The following YIPF1 variants were observed in gnomAD, a reference collection of about 807,000 sequenced individuals.
YIPF1 encodes the protein protein YIPF1.
Under a neutral mutation model 37.0 loss-of-function variants are expected in YIPF1, and 22 were observed. That is an observed-to-expected ratio of 0.59 (90% CI 0.42 to 0.85). The LOEUF is 0.85. Among genes scored for constraint, YIPF1 ranks in the 40% least tolerant of loss-of-function variants. The pLI is 0.00. For synonymous variants in YIPF1, 128 were observed against 131.9 expected, an observed-to-expected ratio of 0.97 and a Z score of 0.21; for missense variants, 355 against 373.1, an observed-to-expected ratio of 0.95 and a Z score of 0.40.
At chr1:53,886,010 T>A (rs1452911393) in intron 3 of YIPF1, among the ~76,000 whole-genome samples, 8 of 151,642 alleles carry the variant, frequency 5.3e-5, no homozygotes, top group South Asian at 2.1e-4. Flanking sequence ...AATTAAAAAA[T>A]TTTTAAAAAG....
Position 53,888,929 on chromosome 1 carries a change from T to C in YIPF1, c.9A>G (p.Ala3=). 1 of 1,596,570 alleles carries C rather than the reference T, an allele frequency of 6.3e-7. No individual in the cohort carries two copies. Among genetic ancestry groups the C allele is most frequent in the Non-Finnish European group, 8.6e-7 (1 of 1,165,566 alleles). Residue 3 remains alanine, a synonymous_variant, in exon 3 of 11, where the codon GCA becomes GCG. Transcript: ENST00000072644. MA[A]VDDLQFEEFG... is the part of the protein sequence containing the mutation. Reference sequence around the variant, plus strand: ...TACCTTCAAATTGCAAGTCATCTACTGCTGCCATTCGGCCAGTGAGTCTTC... The same window carrying C: ...TACCTTCAAATTGCAAGTCATCTACCGCTGCCATTCGGCCAGTGAGTCTTC...
chr1:53,875,153 CAA>C (rs1048710081), intron 6 of YIPF1, among the ~76,000 whole-genome samples: 1 of 152,180 alleles, frequency 6.6e-6, no homozygotes, highest in African/African-American at 2.4e-5. Context: ...ACCTACCATA[CAA>C]AAGTTTCCAC....
chr1:53,886,827 T>C (rs942891531), intron 3 of YIPF1: 1 of 151,232 alleles, frequency 6.6e-6, no homozygotes, highest in African/African-American at 2.4e-5. Context: ...CTGAGGAGGG[T>C]CTCTCTAATG....
chr1:53,889,182 T>C (rs1165641642), intron 2 of YIPF1, 62 bp downstream of exon 2: 2 of 409,200 alleles, frequency 4.9e-6, no homozygotes, highest in Non-Finnish European at 8.9e-6. Flanking sequence ...ACCCCGGGGA[T>C]CCAAAGGTTC....
chr1:53,870,266 G>A (rs975627808), intron 7 of YIPF1, among the ~76,000 whole-genome samples: 2 of 146,626 alleles, frequency 1.4e-5, no homozygotes, highest in African/African-American at 2.5e-5. Context: ...CAATCTCTGG[G>A]CTCAAGTCAT....
At chr1:53,855,135 T>C (rs1447035147) in intron 10 of YIPF1, 1 of 151,158 alleles carries the variant, frequency 6.6e-6, no homozygotes, top group African/African-American at 2.4e-5. Context: ...ACAGGATAAC[T>C]GCATACAAAC....
At chr1:53,874,168 T>C (rs545337521) in intron 6 of YIPF1, among the ~76,000 whole-genome samples, 15 of 152,224 alleles carry the variant, frequency 9.9e-5, no homozygotes, top group African/African-American at 3.1e-4. Flanking sequence ...TTCCTGAGGC[T>C]GATATAAAAG....
rs544668191 is a variant in YIPF1 at position 53,867,522 on chromosome 1, G to A, written c.482-598C>T. Among the ~76,000 whole-genome samples the A allele has an allele frequency of 8.0e-4, 121 of 151,978 alleles. 1 individual carries two copies. The highest frequency in any genetic ancestry group is 3.4e-3 in the Middle Eastern group (1 of 294). The stretch of plus-strand genomic sequence containing the variant: ...CGAGTAGCTGGGACTACAGGCGCCC[G>A]CCACCACATCCGGCTAATTTTTTGT... On this transcript the variant is annotated intron_variant, in intron 7 of 10. Coordinates refer to ENST00000072644, the MANE Select transcript of YIPF1 (RefSeq NM_018982.5).
chr1:53,884,904 G>A (rs1264553404), intron 3 of YIPF1, among the ~76,000 whole-genome samples: 3 of 152,204 alleles, frequency 2.0e-5, no homozygotes, highest in Admixed American at 6.5e-5. Flanking sequence ...GGACAGCTGA[G>A]TTCACTCTTA....
intron 3 of YIPF1, among the ~76,000 whole-genome samples, chr1:53,887,699 C>T (rs1485456076): frequency 6.6e-6 from 1 of 152,092 alleles, no homozygotes; most frequent in East Asian, 1.9e-4. Flanking sequence ...TGTATCTCTT[C>T]CTTAGATAAC....
rs377501958 is a variant in YIPF1, at chr1:53,882,751, G to A, written c.195+362C>T. ...TGGGATTATATGCGTGAGCCACCAC[G>A]CCTGGCTCCAAGTGTTATCTTTCCT... On this transcript the variant is annotated intron_variant, in intron 4 of 10. Coordinates refer to ENST00000072644, the MANE Select transcript of YIPF1 (RefSeq NM_018982.5). 1.1e-4 allele frequency among the ~76,000 whole-genome samples: 17 copies of A among 150,930 alleles called. No individual in the cohort carries two copies. In the East Asian group the frequency reaches 1.2e-3, roughly 11 times the overall value.
chr1:53,855,120 G>C (rs1017730357), intron 10 of YIPF1: 2 of 150,988 alleles, frequency 1.3e-5, no homozygotes, highest in African/African-American at 4.9e-5. Context: ...CAATGTGAGC[G>C]AGTGACAGGA....
chr1:53,882,544 A>G (rs529787000), intron 4 of YIPF1, among the ~76,000 whole-genome samples: 112 of 150,754 alleles, frequency 7.4e-4, no homozygotes, highest in South Asian at 2.1e-3. Context: ...TGCAACCTCT[A>G]CTCCCCAAGC....
At chr1:53,884,460 A>G (rs970336787) in intron 3 of YIPF1, among the ~76,000 whole-genome samples, 14 of 152,216 alleles carry the variant, frequency 9.2e-5, no homozygotes, top group Non-Finnish European at 1.9e-4. Flanking sequence ...CTTTGTCAAG[A>G]TTATGTAAAA....
At chr1:53,865,945 G>A (rs139235993) in intron 9 of YIPF1, among the ~76,000 whole-genome samples, 6 of 152,148 alleles carry the variant, frequency 3.9e-5, no homozygotes, top group African/African-American at 1.2e-4. Flanking sequence ...TGGGAGGATC[G>A]TTTAAGCCAC....
intron 7 of YIPF1, among the ~76,000 whole-genome samples, chr1:53,870,326 A>G (rs971585243): frequency 1.3e-5 from 2 of 151,078 alleles, no homozygotes; most frequent in African/African-American, 2.4e-5. Context: ...ATGCACCACC[A>G]TACCCGGTAA....
intron 9 of YIPF1, among the ~76,000 whole-genome samples, chr1:53,861,381 T>C (rs1649869706): frequency 1.3e-5 from 2 of 152,204 alleles, no homozygotes; most frequent in South Asian, 2.1e-4. Flanking sequence ...AAGCCTTTCT[T>C]CCAGGCTACT....
rs555036072 is a variant in YIPF1 at position 53,885,986 on chromosome 1, T to C, written c.32-2710A>G. On this transcript the variant is annotated intron_variant, in intron 3 of 10. Transcript: ENST00000072644. ...GTACCCTGTAAGTATATATACCTACTACATACCCATGAAAATTAAAAAATT... is the reference window on the plus strand; with the variant it reads ...GTACCCTGTAAGTATATATACCTACCACATACCCATGAAAATTAAAAAATT... 5.9e-5 allele frequency among the ~76,000 whole-genome samples: 9 copies of C among 151,948 alleles called. No individual in the cohort carries two copies. In the South Asian group the frequency reaches 1.2e-3, roughly 21 times the overall value.
rs542800724 is a variant in YIPF1, at chr1:53,887,039, T to C, written c.31+1868A>G. 6.6e-5 allele frequency among the ~76,000 whole-genome samples: 10 copies of C among 151,962 alleles called. No individual in the cohort carries two copies. The East Asian group carries it at 1.9e-3, about 29-fold the overall frequency. On this transcript the variant is annotated intron_variant, in intron 3 of 10. Coordinates refer to ENST00000072644, the MANE Select transcript of YIPF1 (RefSeq NM_018982.5). The stretch of plus-strand genomic sequence containing the variant: ...TCAGAGGGTTGGAGGCTGCATCATA[T>C]AGGGGCCTCCTAAGCCACAGTAAGG...
Sources: allele counts gnomAD v4.1 joint callset (sites outside exome capture counted in the v4.1 genomes callset), GRCh38; gene constraint gnomAD v4.1.1; transcripts MANE v1.5; gene names NCBI Gene and HGNC (gene_info 2026-07-23, HGNC 2026-07-21).